The following HDHD5 variants were observed in gnomAD, a reference collection of about 807,000 sequenced individuals.
HDHD5 encodes the protein haloacid dehalogenase like hydrolase domain containing 5.
A neutral mutation model predicts 35.5 loss-of-function variants in HDHD5; 34 were observed. The observed-to-expected ratio is 0.96, with a 90% confidence interval of 0.73 to 1.28. The LOEUF (loss-of-function observed/expected upper bound fraction) is 1.28. HDHD5 is among the 50% of genes most tolerant of loss of function. HDHD5 has a pLI of 0.00. For synonymous variants in HDHD5, 248 were observed against 240.6 expected, an observed-to-expected ratio of 1.03 and a Z score of -0.29; for missense variants, 589 against 560.2, an observed-to-expected ratio of 1.05 and a Z score of -0.52.
chr22:17,159,532 C>T (rs1439717497), upstream of HDHD5: 4 of 458,186 alleles, frequency 8.7e-6, no homozygotes, highest in Admixed American at 2.4e-5. Flanking sequence ...CGTACTATCG[C>T]CCTGTGCCTG....
chr22:17,154,183 T>C (rs2061758840), intron 1 of HDHD5, among the ~76,000 whole-genome samples: 1 of 150,512 alleles, frequency 6.6e-6, no homozygotes, highest in African/African-American at 2.4e-5. Flanking sequence ...TAAGAAACAG[T>C]GTTTCTTTAA....
At chr22:17,144,690 A>G (rs2061639873) in intron 4 of HDHD5, among the ~76,000 whole-genome samples, 1 of 152,108 alleles carries the variant, frequency 6.6e-6, no homozygotes, top group African/African-American at 2.4e-5. Flanking sequence ...CTGGAATTAC[A>G]GGTGTGACCC....
intron 1 of HDHD5, among the ~76,000 whole-genome samples, chr22:17,149,984 G>A (rs1456781588): frequency 6.6e-6 from 1 of 151,852 alleles, no homozygotes; most frequent in Non-Finnish European, 1.5e-5. Flanking sequence ...TCTTCCCGTT[G>A]CCCAGACTGG....
chr22:17,161,771 A>G (rs2061865167), upstream of HDHD5, among the ~76,000 whole-genome samples: 1 of 151,226 alleles, frequency 6.6e-6, no homozygotes, highest in South Asian at 2.1e-4. Flanking sequence ...CAGCTATTCT[A>G]GGAGGCTAAG....
Position 17,141,132 on chromosome 22 carries a change from G to T in HDHD5, c.673C>A (p.Pro225Thr). 2 of 1,595,338 alleles carry T rather than the reference G, an allele frequency of 1.3e-6. No individual in the cohort carries two copies. Among genetic ancestry groups the T allele is most frequent in the South Asian group, 1.1e-5 (1 of 88,628 alleles). ...NGSPGAGLAT[P>T]PYPHLPVLAS... The stretch of plus-strand genomic sequence containing the variant: ...AGGACGGGGAGGTGGGGGTAGGGGG[G>T]TGTTGCCAGGCCAGCCCCAGGGCTC... Residue 225 changes from proline to threonine, a missense_variant, in exon 6 of 8, where the codon CCC (proline) becomes ACC (threonine). Pro to Thr is a conservative substitution (Grantham distance 38). Coordinates refer to ENST00000336737, the MANE Select transcript of HDHD5 (RefSeq NM_033070.3).
intron 6 of HDHD5, among the ~76,000 whole-genome samples, chr22:17,140,060 T>C (rs1444919314): frequency 6.6e-6 from 1 of 152,134 alleles, no homozygotes; most frequent in Non-Finnish European, 1.5e-5. Flanking sequence ...GCCACAGACA[T>C]ACACTTTAAA....
chr22:17,153,856 A>G (rs986638042), intron 1 of HDHD5, among the ~76,000 whole-genome samples: 1 of 152,112 alleles, frequency 6.6e-6, no homozygotes, highest in Non-Finnish European at 1.5e-5. Context: ...CTGAAGGAAA[A>G]GAGTGGCTCT....
At chr22:17,157,271 C>CT (rs372356199) in intron 1 of HDHD5, among the ~76,000 whole-genome samples, 30,764 of 136,552 alleles carry the variant, frequency 0.23, 3,943 homozygotes, top group Middle Eastern at 0.33. Context: ...GGTTAATTTT[C>CT]TTTTTTTTTT....
chr22:17,141,415 G>T (rs954174279), intron 5 of HDHD5, 182 bp from the exon 6 acceptor site: 1 of 1,365,608 alleles, frequency 7.3e-7, no homozygotes, highest in Non-Finnish European at 9.4e-7. Flanking sequence ...GGTGCACAAG[G>T]CCCAGGGCCC....
In HDHD5 at chr22:17,148,494, G is replaced by A. The variant is rs145861523; in HGVS notation, c.397C>T (p.Arg133Trp). The A allele has an allele frequency of 2.7e-5, 44 of 1,614,046 alleles. No homozygotes were observed. The highest frequency in any genetic ancestry group is 1.6e-4 in the African/African-American group (12 of 74,934). ...MKLFSEYHEK[R>W]MLVSGQGPVM... ...GGCCCCTGTCCAGACACCAGCATCCGCTTCTCATGGTACTCGGAGAAGAGC... is the reference window on the plus strand; with the variant it reads ...GGCCCCTGTCCAGACACCAGCATCCACTTCTCATGGTACTCGGAGAAGAGC... The change falls in exon 3 of 8, where the codon CGG (arginine) becomes TGG (tryptophan). Residue 133 changes from arginine to tryptophan, a missense_variant. By Grantham distance (101) the Arg-to-Trp change is moderately radical. Coordinates refer to ENST00000336737, the MANE Select transcript of HDHD5 (RefSeq NM_033070.3).
chr22:17,141,025 C>T, intron 6 of HDHD5, 34 bp downstream of exon 6: 1 of 1,537,548 alleles, frequency 6.5e-7, no homozygotes, highest in South Asian at 1.3e-5. Context: ...AGGAATAGAC[C>T]ACCAGGCCAA....
chr22:17,140,650 G>A (rs1178845994), intron 6 of HDHD5, among the ~76,000 whole-genome samples: 1 of 152,142 alleles, frequency 6.6e-6, no homozygotes, highest in Non-Finnish European at 1.5e-5. Context: ...TGTCTGAAGG[G>A]TAAAAGGAAA....
chr22:17,148,701 A>T, intron 2 of HDHD5, 141 bp from the exon 3 acceptor site: 1 of 647,518 alleles, frequency 1.5e-6, no homozygotes, highest in Non-Finnish European at 2.8e-6. Flanking sequence ...CCTTTCTAGC[A>T]CCCAGCAGCA....
At chr22:17,164,145 C>T (rs1015319082), upstream of HDHD5, among the ~76,000 whole-genome samples, 1 of 147,918 alleles carries the variant, frequency 6.8e-6, no homozygotes, top group African/African-American at 2.5e-5. Flanking sequence ...CGCTTGAATC[C>T]GGGAGATGGA....
At chr22:17,164,955 G>T (rs1241744061) in intron 1 of HDHD5, among the ~76,000 whole-genome samples, 5 of 152,174 alleles carry the variant, frequency 3.3e-5, no homozygotes, top group Non-Finnish European at 2.9e-5. Context: ...AGATGGGCAG[G>T]TCCCCCTGGC....
At position 17,148,471 on chromosome 22, in the gene HDHD5, C is replaced by T; in HGVS notation, c.420G>A (p.Gly140=). 6.2e-7 allele frequency: 1 copy of T among 1,614,100 alleles called. No homozygotes were observed. The highest frequency in any genetic ancestry group is 1.1e-5 in the South Asian group (1 of 91,070). The part of the protein sequence containing the change: ...HEKRMLVSGQ[G]PVMENAQGLG... Reference sequence around the variant, plus strand: ...ACCCCTGGGCATTTTCCATCACGGGCCCCTGTCCAGACACCAGCATCCGCT... The same window carrying T: ...ACCCCTGGGCATTTTCCATCACGGGTCCCTGTCCAGACACCAGCATCCGCT... The change falls in exon 3 of 8, where the codon GGG becomes GGA. Residue 140 remains glycine (G), a synonymous_variant. Transcript: ENST00000336737.
Position 17,138,104 on chromosome 22 carries a change from G to A in HDHD5, c.1189C>T (p.Leu397Phe). Reference protein sequence around the residue: ...GHRDLCFSPGLMEASHVVNDV... With the variant: ...GHRDLCFSPGFMEASHVVNDV... ...TTCACCACGTGGGAGGCCTCCATGAGCCCTGGACTGAAGCATAAGTCTCGG... is the reference window on the plus strand; with the variant it reads ...TTCACCACGTGGGAGGCCTCCATGAACCCTGGACTGAAGCATAAGTCTCGG... The change falls in exon 8 of 8, where the codon CTC becomes TTC. Residue 397 changes from leucine to phenylalanine, a missense_variant. Coordinates refer to ENST00000336737, the MANE Select transcript of HDHD5 (RefSeq NM_033070.3). 6.2e-7 allele frequency: 1 copy of A among 1,614,156 alleles called. No homozygotes were observed. The highest frequency in any genetic ancestry group is 8.5e-7 in the Non-Finnish European group (1 of 1,180,022).
intron 3 of HDHD5, among the ~76,000 whole-genome samples, chr22:17,147,492 T>C (rs1340832150): frequency 5.1e-5 from 6 of 117,850 alleles, no homozygotes; most frequent in East Asian, 2.6e-4. Context: ...CCTGTGAGCT[T>C]ACCGGCCTTC....
At chr22:17,142,908 C>A in intron 5 of HDHD5, 190 bp downstream of exon 5, 1 of 566,018 alleles carries the variant, frequency 1.8e-6, no homozygotes, top group Non-Finnish European at 3.1e-6. Context: ...TAGTGAGTGG[C>A]ATGGGGAAGG....
Sources: gnomAD v4.1 joint callset for allele counts (sites outside exome capture counted in the v4.1 genomes callset) on GRCh38, gnomAD v4.1.1 for gene constraint, MANE v1.5 for transcripts, NCBI Gene and HGNC (gene_info 2026-07-23, HGNC 2026-07-21) for gene names.